Variants in C1QTNF3 observed in about 807,000 individuals in gnomAD.
C1QTNF3 encodes C1q and TNF related 3, also known as complement C1q tumor necrosis factor-related protein 3.
In C1QTNF3, 26 loss-of-function variants were observed where a neutral mutation model predicts 32.6. That is an observed-to-expected ratio of 0.80 (90% CI 0.58 to 1.11). The LOEUF (loss-of-function observed/expected upper bound fraction) is 1.11, where lower values mean the gene tolerates loss of function less well. C1QTNF3 is among the 50% of genes least tolerant of loss of function. The pLI, the probability that C1QTNF3 is intolerant of heterozygous loss-of-function variation, is 0.00. For synonymous variants in C1QTNF3, 155 were observed against 146.0 expected (o/e 1.06, Z -0.44); for missense variants, 362 against 398.2 (o/e 0.91, Z 0.77).
chr5:34,236,865 C>T, the C1QTNF3 span, among the ~76,000 whole-genome samples: 1 of 151,776 alleles, frequency 6.6e-6, no homozygotes, highest in Non-Finnish European at 1.5e-5. Context: ...CATGAGCCAC[C>T]GCACCCAGCC....
the C1QTNF3 span, among the ~76,000 whole-genome samples, chr5:34,073,548 T>C: frequency 6.6e-6 from 1 of 152,124 alleles, no homozygotes; most frequent in Non-Finnish European, 1.5e-5. Flanking sequence ...AAAGAACAAA[T>C]CACCTTCAAC....
intron 4 of C1QTNF3, among the ~76,000 whole-genome samples, chr5:34,027,300 A>G (rs1754487242): frequency 6.6e-6 from 1 of 152,238 alleles, no homozygotes; most frequent in Non-Finnish European, 1.5e-5. Flanking sequence ...TACAACCCTT[A>G]CAGGGAGCAA....
At chr5:34,063,804 G>T in the C1QTNF3 span, among the ~76,000 whole-genome samples, 2 of 152,170 alleles carry the variant, frequency 1.3e-5, no homozygotes, top group African/African-American at 4.8e-5. Flanking sequence ...TGAACCATTA[G>T]TACCTAGGAG....
At chr5:34,203,651 A>T in the C1QTNF3 span, among the ~76,000 whole-genome samples, 1 of 151,780 alleles carries the variant, frequency 6.6e-6, no homozygotes, top group Admixed American at 6.6e-5. Flanking sequence ...GCGCCACTGC[A>T]CTCCAATCTG....
At chr5:34,240,041 G>A in the C1QTNF3 span, among the ~76,000 whole-genome samples, 1 of 152,020 alleles carries the variant, frequency 6.6e-6, no homozygotes, top group Non-Finnish European at 1.5e-5. Context: ...AATAACTTCT[G>A]TGTGAAAATC....
At chr5:34,067,159 A>T in the C1QTNF3 span, among the ~76,000 whole-genome samples, 20 of 152,302 alleles carry the variant, frequency 1.3e-4, no homozygotes, top group East Asian at 3.9e-3. Context: ...CATTGTCCAT[A>T]TCCTTGTAAG....
chr5:34,211,201 T>A, the C1QTNF3 span, among the ~76,000 whole-genome samples: 1 of 151,836 alleles, frequency 6.6e-6, no homozygotes, highest in African/African-American at 2.4e-5. Context: ...TTTAAAAAAG[T>A]AAATGTTATA....
chr5:34,176,269 G>T, the C1QTNF3 span, among the ~76,000 whole-genome samples: 1 of 131,614 alleles, frequency 7.6e-6, no homozygotes, highest in Non-Finnish European at 1.6e-5. Context: ...GGGGGGAGGG[G>T]GGAGGGATAG....
At chr5:34,226,304 G>T in the C1QTNF3 span, among the ~76,000 whole-genome samples, 1 of 151,606 alleles carries the variant, frequency 6.6e-6, no homozygotes, top group East Asian at 1.9e-4. Flanking sequence ...TCTTTTATCG[G>T]CCAAACTTGT....
At chr5:34,175,868 C>T in the C1QTNF3 span, 1 of 798,704 alleles carries the variant, frequency 1.3e-6, no homozygotes, top group Non-Finnish European at 2.3e-6. Context: ...GCTCTCCAAC[C>T]ACGTATTTTC....
the C1QTNF3 span, among the ~76,000 whole-genome samples, chr5:34,205,694 TA>T: frequency 2.8e-4 from 42 of 151,042 alleles, 1 homozygote; most frequent in South Asian, 8.5e-3. Flanking sequence ...TAGTTCTTTA[TA>T]ACAATGGGAT....
chr5:34,136,334 G>A, the C1QTNF3 span, among the ~76,000 whole-genome samples: 1 of 151,498 alleles, frequency 6.6e-6, no homozygotes, highest in African/African-American at 2.5e-5. Context: ...CCAAAAGTGG[G>A]CAAAGGAAAC....
the C1QTNF3 span, among the ~76,000 whole-genome samples, chr5:34,100,505 ATAAT>A: frequency 3.3e-5 from 5 of 152,090 alleles, no homozygotes; most frequent in East Asian, 3.8e-4. Context: ...TATATGGAAG[ATAAT>A]TAACACAGTA....
chr5:34,053,681 A>C, the C1QTNF3 span, among the ~76,000 whole-genome samples: 1 of 152,236 alleles, frequency 6.6e-6, no homozygotes, highest in Admixed American at 6.5e-5. Context: ...AGCCAGCTGC[A>C]GCCCATTTAA....
chr5:34,174,752 T>C, the C1QTNF3 span, among the ~76,000 whole-genome samples: 1 of 151,858 alleles, frequency 6.6e-6, no homozygotes, highest in East Asian at 1.9e-4. Context: ...TGAAGACCCT[T>C]TTTTTTTGAG....
At chr5:34,210,892 T>C in the C1QTNF3 span, among the ~76,000 whole-genome samples, 2 of 152,092 alleles carry the variant, frequency 1.3e-5, no homozygotes, top group South Asian at 4.1e-4. Context: ...ATTTTTTGCA[T>C]TTTTTAATTT....
the C1QTNF3 span, among the ~76,000 whole-genome samples, chr5:34,095,391 GA>G: frequency 2.3e-4 from 34 of 147,964 alleles, no homozygotes; most frequent in Non-Finnish European, 4.5e-4. Context: ...AGGGAATAAA[GA>G]AAAAGGGAGA....
rs370162015 is a variant in C1QTNF3 at position 34,020,784 on chromosome 5, G to A, written c.801-42C>T. ...GAACAAACTACTTAGTTTTTGCCAT[G>A]AACAACCAGCTCTTCACCAAAGTCT... is the stretch of plus-strand genomic sequence containing the variant. On this transcript the variant is annotated intron_variant, in intron 5 of 5. Transcript: ENST00000382065. 1.1e-5 allele frequency: 17 copies of A among 1,588,432 alleles called. No homozygotes were observed. The South Asian group carries it at 1.6e-4, about 15-fold the overall frequency.
chr5:34,230,511 C>G, the C1QTNF3 span, among the ~76,000 whole-genome samples: 4 of 152,046 alleles, frequency 2.6e-5, no homozygotes, highest in Non-Finnish European at 5.9e-5. Flanking sequence ...AAAAGTAAAA[C>G]AAAAAGACCA....
Sources: allele counts gnomAD v4.1 joint callset (sites outside exome capture counted in the v4.1 genomes callset), GRCh38; gene constraint gnomAD v4.1.1; transcripts MANE v1.5; gene names NCBI Gene and HGNC (gene_info 2026-07-23, HGNC 2026-07-21).